Variants in TRPC5 observed in about 807,000 individuals in gnomAD.
TRPC5 encodes short transient receptor potential channel 5.
A neutral mutation model predicts 56.5 loss-of-function variants in TRPC5; 9 were observed. The observed-to-expected ratio is 0.16, with a 90% CI of 0.10 to 0.28. The LOEUF (loss-of-function observed/expected upper bound fraction) is 0.28. Ranked by LOEUF, TRPC5 falls within the 10% of genes least tolerant of loss-of-function variation. The pLI is 1.00. For missense variants in TRPC5, 469 were observed against 748.9 expected, an observed-to-expected ratio of 0.63 and a Z score of 4.36; for synonymous variants, 282 against 278.5, an observed-to-expected ratio of 1.01 and a Z score of -0.13.
intron 3 of TRPC5, chrX:111,896,466 A>G (rs1302068145): frequency 3.6e-5 from 4 of 109,707 alleles, no homozygotes; most frequent in African/African-American, 1.3e-4. Flanking sequence ...CCGAGCCTTG[A>G]TATCCGCATC....
At chrX:112,030,428 C>T (rs916105733) in intron 1 of TRPC5, among the ~76,000 whole-genome samples, 10 of 112,232 alleles carry the variant, frequency 8.9e-5, no homozygotes, top group South Asian at 3.7e-4. Context: ...TCTTGTTAAT[C>T]GCTATAGCAT....
At chrX:112,002,689 G>GACA (rs1928727617) in intron 1 of TRPC5, among the ~76,000 whole-genome samples, 47 of 111,137 alleles carry the variant, frequency 4.2e-4, no homozygotes, top group Admixed American at 4.1e-3. Context: ...CTCTTGACAG[G>GACA]GTATTTTTCA....
intron 2 of TRPC5, among the ~76,000 whole-genome samples, chrX:111,929,830 A>G (rs755442555): frequency 3.2e-4 from 36 of 112,371 alleles, no homozygotes; most frequent in Middle Eastern, 4.6e-3. Flanking sequence ...CAGCTACCCA[A>G]CAGTTGAGGG....
intron 2 of TRPC5, among the ~76,000 whole-genome samples, chrX:111,939,329 A>G (rs1284216035): frequency 9.0e-6 from 1 of 111,417 alleles, no homozygotes; most frequent in African/African-American, 3.3e-5. Context: ...TTTTGCGTCA[A>G]TATTCCTCAG....
intron 3 of TRPC5, among the ~76,000 whole-genome samples, chrX:111,911,230 G>C (rs1032509101): frequency 4.5e-5 from 5 of 112,245 alleles, no homozygotes; most frequent in African/African-American, 1.6e-4. Flanking sequence ...CCCTTCAGCT[G>C]GCAGGCACCC....
chrX:111,782,740 TCAAC>T (rs1395621213), intron 7 of TRPC5, among the ~76,000 whole-genome samples: 6 of 108,799 alleles, frequency 5.5e-5, no homozygotes, highest in Non-Finnish European at 9.5e-5. Flanking sequence ...AGAATAAAAT[TCAAC>T]CATTTAAAGT....
chrX:111,842,132 G>GTATATATATATATTATATATA (rs1406226710), intron 6 of TRPC5, among the ~76,000 whole-genome samples: 1 of 77,166 alleles, frequency 1.3e-5, no homozygotes, highest in African/African-American at 1.2e-4. Flanking sequence ...ATATATATAT[G>GTATATATATATATTATATATA]TATATATATA....
chrX:111,900,806 A>G (rs886271888), intron 3 of TRPC5, among the ~76,000 whole-genome samples: 2 of 112,152 alleles, frequency 1.8e-5, no homozygotes, highest in East Asian at 5.6e-4. Context: ...AACTTCTTGC[A>G]TCCTCAGCAG....
intron 3 of TRPC5, among the ~76,000 whole-genome samples, chrX:111,898,556 A>G (rs1338787182): frequency 9.1e-6 from 1 of 109,645 alleles, no homozygotes; most frequent in African/African-American, 3.3e-5. Flanking sequence ...TTTCAAAGAC[A>G]CTTACTGATT....
At chrX:111,961,102 G>C (rs1007157550) in intron 1 of TRPC5, among the ~76,000 whole-genome samples, 1 of 112,025 alleles carries the variant, frequency 8.9e-6, no homozygotes, top group African/African-American at 3.2e-5. Context: ...CAGCCAACGT[G>C]CCCGGCCTAC....
rs750089190 is a variant in TRPC5 at position 111,856,538 on chromosome X, AAAT to A, written c.901-2435_901-2433del. ...TGGGTAACAGAGTGAGCCCTGTCTC[AAAT>A]AATAATAATAATAATAATAATAATA... On this transcript the variant is annotated intron_variant, in intron 3 of 10. Coordinates refer to ENST00000262839, the MANE Select transcript of TRPC5 (RefSeq NM_012471.3). Among the ~76,000 whole-genome samples, 341 of 95,103 alleles carry A rather than the reference AAAT, an allele frequency of 3.6e-3. 2 individuals carry two copies. The highest frequency in any genetic ancestry group is 0.031 in the Middle Eastern group (6 of 196). 82.6% of individuals were successfully genotyped at this position (95,103 alleles called of 115,157 possible).
chrX:111,956,882 A>G (rs969916555), intron 1 of TRPC5, among the ~76,000 whole-genome samples: 1 of 111,570 alleles, frequency 9.0e-6, no homozygotes, highest in Non-Finnish European at 1.9e-5. Context: ...CGTGGTGAAC[A>G]CTGACTTTCA....
chrX:111,781,810 G>T, intron 8 of TRPC5, 125 bp downstream of exon 8: 1 of 560,849 alleles, frequency 1.8e-6, no homozygotes, highest in Non-Finnish European at 2.7e-6. Context: ...CATGAGAATT[G>T]CTTGAACCCA....
chrX:112,006,712 C>T (rs1928853601), intron 1 of TRPC5, among the ~76,000 whole-genome samples: 2 of 111,885 alleles, frequency 1.8e-5, no homozygotes, highest in African/African-American at 6.5e-5. Context: ...GCCTTGAAGA[C>T]CAGGCTGCGA....
intron 7 of TRPC5, among the ~76,000 whole-genome samples, chrX:111,802,183 AATTT>A (rs1194108285): frequency 9.0e-6 from 1 of 111,678 alleles, no homozygotes; most frequent in African/African-American, 3.3e-5. Flanking sequence ...ACTCATAAAA[AATTT>A]ATTTCTTCTG....
At chrX:111,938,888 G>T (rs1159619272) in intron 2 of TRPC5, among the ~76,000 whole-genome samples, 7 of 111,834 alleles carry the variant, frequency 6.3e-5, no homozygotes, top group African/African-American at 2.3e-4. Flanking sequence ...TTCCAATCTG[G>T]ATGCCCTTTA....
intron 2 of TRPC5, among the ~76,000 whole-genome samples, chrX:111,929,736 G>A (rs754364846): frequency 4.5e-5 from 5 of 112,318 alleles, no homozygotes; most frequent in Non-Finnish European, 7.5e-5. Flanking sequence ...TTTTCTCACA[G>A]CATCCCTGTG....
chrX:111,938,646 C>T (rs917485204), intron 2 of TRPC5, among the ~76,000 whole-genome samples: 3 of 111,320 alleles, frequency 2.7e-5, no homozygotes, highest in Admixed American at 9.6e-5. Context: ...TGCTGGATTA[C>T]ATTTATTGAT....
intron 7 of TRPC5, among the ~76,000 whole-genome samples, chrX:111,826,213 A>G (rs751577994): frequency 8.9e-6 from 1 of 111,794 alleles, no homozygotes; most frequent in Non-Finnish European, 1.9e-5. Flanking sequence ...CTATTGTTTT[A>G]CTCATGTCAG....
Sources: gnomAD v4.1 joint callset for allele counts (sites outside exome capture counted in the v4.1 genomes callset) on GRCh38, gnomAD v4.1.1 for gene constraint, MANE v1.5 for transcripts, NCBI Gene and HGNC (gene_info 2026-07-23, HGNC 2026-07-21) for gene names.